The following TJP1 variants were observed in gnomAD, a reference collection of about 807,000 sequenced individuals.
The protein encoded by TJP1 is tight junction protein ZO-1.
Under a neutral mutation model 194.2 loss-of-function variants are expected in TJP1, and 43 were observed. That is an observed-to-expected ratio of 0.22 (90% CI 0.17 to 0.29). The LOEUF (loss-of-function observed/expected upper bound fraction) is 0.29. TJP1 is among the 10% of genes least tolerant of loss of function. The pLI is 1.00. For synonymous variants in TJP1, 801 were observed against 779.0 expected (o/e 1.03, Z -0.47); for missense variants, 1,971 against 2,185.7 (o/e 0.90, Z 1.96).
chr15:29,945,195 A>C (rs2055230749), intron 2 of TJP1, among the ~76,000 whole-genome samples: 1 of 152,188 alleles, frequency 6.6e-6, no homozygotes, highest in African/African-American at 2.4e-5. Flanking sequence ...TGTCCCCAAG[A>C]CCAAAAGGTC....
At chr15:29,953,018 C>T (rs1170541098) in intron 2 of TJP1, among the ~76,000 whole-genome samples, 2 of 151,844 alleles carry the variant, frequency 1.3e-5, no homozygotes, top group Non-Finnish European at 2.9e-5. Context: ...GATTATATTA[C>T]AAAGTCAACT....
chr15:29,893,864 AC>A (rs1339705828), intron 2 of TJP1, among the ~76,000 whole-genome samples: 19 of 152,320 alleles, frequency 1.2e-4, no homozygotes, highest in African/African-American at 4.8e-5. Context: ...CGATAAAAAA[AC>A]AAAACTTCTG....
At chr15:29,762,685 A>G (rs995056368) in intron 5 of TJP1, among the ~76,000 whole-genome samples, 2 of 152,202 alleles carry the variant, frequency 1.3e-5, no homozygotes, top group Non-Finnish European at 2.9e-5. Context: ...TTCCCATATT[A>G]CTGAAAAGGA....
Position 29,710,811 on chromosome 15 carries a change from T to C in TJP1, c.4372+20A>G, listed in dbSNP as rs1338752214. On this transcript the variant is annotated intron_variant, in intron 24 of 27. Transcript: ENST00000614355. ...TCATAAGCATTACTGTGTTAAAATG[T>C]CTACTTCCGAACTTCCTACCTTCAC... 6.2e-7 allele frequency: 1 copy of C among 1,613,658 alleles called. No individual in the cohort carries two copies. Among genetic ancestry groups the C allele is most frequent in the East Asian group, 2.2e-5 (1 of 44,884 alleles).
intron 8 of TJP1, among the ~76,000 whole-genome samples, chr15:29,758,051 CT>C (rs762495536): frequency 2.6e-5 from 4 of 152,190 alleles, no homozygotes; most frequent in Non-Finnish European, 5.9e-5. Flanking sequence ...TTATGATTTT[CT>C]TATTAACACT....
intron 2 of TJP1, among the ~76,000 whole-genome samples, chr15:29,878,655 T>C (rs1359456254): frequency 6.6e-6 from 1 of 152,038 alleles, no homozygotes; most frequent in African/African-American, 2.4e-5. Flanking sequence ...CTCTACAATT[T>C]TAGTTTCATA....
chr15:29,812,210 TACTTG>T (rs1479910152), intron 1 of TJP1, among the ~76,000 whole-genome samples: 1 of 152,244 alleles, frequency 6.6e-6, no homozygotes, highest in Non-Finnish European at 1.5e-5. Flanking sequence ...GTCCTTATTT[TACTTG>T]ACCTCTCTGT....
intron 23 of TJP1, among the ~76,000 whole-genome samples, chr15:29,715,968 C>T (rs748218625): frequency 2.0e-5 from 3 of 152,156 alleles, no homozygotes; most frequent in Non-Finnish European, 2.9e-5. Flanking sequence ...GTACCAAATT[C>T]TCTTATCAGT....
Position 29,921,443 on chromosome 15 carries a change from G to A in TJP1, c.306+34789C>T, listed in dbSNP as rs1203388893. On this transcript the variant is annotated intron_variant, in intron 2 of 28. Transcript: ENST00000356107. ...CCCTCAGCACCTTCCCTGCAAACCT[G>A]CAGGGCCAGCCACTGTCAGGGAAGA... 2.0e-5 allele frequency among the ~76,000 whole-genome samples: 3 copies of A among 152,112 alleles called. No homozygotes were observed. The East Asian group carries it at 5.8e-4, about 29-fold the overall frequency.
intron 2 of TJP1, among the ~76,000 whole-genome samples, chr15:29,953,140 A>ATTTTTTTT (rs71416442): frequency 0.11 from 11,871 of 110,168 alleles, 1,863 homozygotes; most frequent in South Asian, 0.15. Context: ...AAGAAGACAG[A>ATTTTTTTT]TTTTTTTTTT....
intron 2 of TJP1, among the ~76,000 whole-genome samples, chr15:29,838,916 AG>A (rs1179553337): frequency 6.7e-6 from 1 of 150,072 alleles, no homozygotes; most frequent in African/African-American, 2.4e-5. Context: ...AACTTCCTTG[AG>A]GTTTATACAA....
chr15:29,730,447 A>T (rs934012782), intron 15 of TJP1, among the ~76,000 whole-genome samples: 1 of 150,966 alleles, frequency 6.6e-6, no homozygotes, highest in Non-Finnish European at 1.5e-5. Context: ...ATAATAATAA[A>T]CTAGCCAGGC....
chr15:29,968,942 G>T (rs889984442), upstream of TJP1: 11 of 170,722 alleles, frequency 6.4e-5, no homozygotes, highest in African/African-American at 2.4e-4. Context: ...CGCTCCCGCC[G>T]CCGCCGTCGC....
chr15:29,864,002 C>T (rs191066371), intron 2 of TJP1, among the ~76,000 whole-genome samples: 5 of 152,218 alleles, frequency 3.3e-5, no homozygotes, highest in Admixed American at 2.6e-4. Context: ...GCTTCAACTT[C>T]CCAAAGTTGT....
At chr15:29,881,701 A>T (rs2052936966) in intron 2 of TJP1, among the ~76,000 whole-genome samples, 1 of 152,136 alleles carries the variant, frequency 6.6e-6, no homozygotes, top group African/African-American at 2.4e-5. Flanking sequence ...TATATTTTTC[A>T]CCTCTATTCT....
intron 11 of TJP1, among the ~76,000 whole-genome samples, chr15:29,736,623 G>A (rs745346132): frequency 6.6e-6 from 1 of 152,220 alleles, no homozygotes; most frequent in Non-Finnish European, 1.5e-5. Context: ...TATGTCACTA[G>A]GTGAAACCGT....
intron 4 of TJP1, among the ~76,000 whole-genome samples, chr15:29,770,801 T>C (rs2046620071): frequency 6.6e-6 from 1 of 152,006 alleles, no homozygotes; most frequent in African/African-American, 2.4e-5. Flanking sequence ...TTAAAAAAGT[T>C]TCAGTAAGCT....
intron 2 of TJP1, among the ~76,000 whole-genome samples, chr15:29,781,097 C>T (rs1459822010): frequency 4.0e-5 from 6 of 151,820 alleles, no homozygotes; most frequent in African/African-American, 1.5e-4. Context: ...ATTAGCTAGA[C>T]AAAGAAGAGA....
chr15:29,800,954 T>C (rs1254887518), intron 1 of TJP1, among the ~76,000 whole-genome samples: 1 of 152,240 alleles, frequency 6.6e-6, no homozygotes, highest in African/African-American at 2.4e-5. Context: ...TCATGCAAGC[T>C]GAAATCAGTA....
Sources: allele counts gnomAD v4.1 joint callset (sites outside exome capture counted in the v4.1 genomes callset), GRCh38; gene constraint gnomAD v4.1.1; transcripts MANE v1.5; gene names NCBI Gene and HGNC (gene_info 2026-07-23, HGNC 2026-07-21).